Variants in SYNE2 observed in about 807,000 individuals in gnomAD.
SYNE2 encodes the protein nesprin-2.
Under a neutral mutation model 856.3 loss-of-function variants are expected in SYNE2, and 431 were observed. The ratio of observed to expected loss-of-function variants is 0.50; its 90% confidence interval spans 0.47 to 0.55. The LOEUF (loss-of-function observed/expected upper bound fraction) is 0.55, where lower values mean the gene tolerates loss of function less well. Among genes scored for constraint, SYNE2 ranks in the 20% least tolerant of loss-of-function variants. SYNE2 has a pLI of 0.00. For synonymous variants in SYNE2, 2,923 were observed against 2,872.3 expected, an observed-to-expected ratio of 1.02 and a Z score of -0.56; for missense variants, 8,129 against 8,023.2, an observed-to-expected ratio of 1.01 and a Z score of -0.50.
intron 16 of SYNE2, among the ~76,000 whole-genome samples, chr14:63,982,389 G>T (rs2096592207): frequency 1.3e-5 from 2 of 152,152 alleles, no homozygotes; most frequent in South Asian, 2.1e-4. Context: ...AACAGGGATG[G>T]CAGACTCCTC....
rs1046057331 is a variant in SYNE2, at chr14:64,141,454, A to G, written c.15090A>G (p.Leu5030=). The G allele has an allele frequency of 3.1e-6, 5 of 1,614,034 alleles. No individual in the cohort carries two copies. The highest frequency in any genetic ancestry group is 4.2e-6 in the Non-Finnish European group (5 of 1,179,998). The change falls in exon 81 of 116, where the codon TTA becomes TTG. Residue 5030 remains leucine, a synonymous_variant. Transcript: ENST00000555002. ...ATACAGCTACACTGAGAGCTTCTTT[A>G]GCACAGTTTGAACAAAAATGGACAA... ...ETDTATLRAS[L]AQFEQKWTML...
At chr14:63,938,316 C>T (rs944057815) in intron 2 of SYNE2, among the ~76,000 whole-genome samples, 1 of 152,038 alleles carries the variant, frequency 6.6e-6, no homozygotes, top group Non-Finnish European at 1.5e-5. Flanking sequence ...ATTAGCTGGA[C>T]ATGGCAGTAC....
At chr14:64,179,291 C>T (rs1198246152) in intron 96 of SYNE2, among the ~76,000 whole-genome samples, 1 of 152,116 alleles carries the variant, frequency 6.6e-6, no homozygotes, top group Non-Finnish European at 1.5e-5. Flanking sequence ...CATGTGCCAT[C>T]AGGCCTGGCT....
At chr14:63,890,922 G>A (rs1349012034) in intron 1 of SYNE2, among the ~76,000 whole-genome samples, 1 of 152,114 alleles carries the variant, frequency 6.6e-6, no homozygotes, top group African/African-American at 2.4e-5. Context: ...AGCATTTCCC[G>A]CTTATTCATC....
intron 1 of SYNE2, among the ~76,000 whole-genome samples, chr14:63,830,283 G>C (rs1032229166): frequency 1.3e-5 from 2 of 150,688 alleles, no homozygotes; most frequent in African/African-American, 2.4e-5. Flanking sequence ...TTTTTTGAGG[G>C]TAACAAAATA....
chr14:64,207,030 C>T (rs1158456912), intron 100 of SYNE2, among the ~76,000 whole-genome samples: 4 of 152,124 alleles, frequency 2.6e-5, no homozygotes, highest in African/African-American at 9.7e-5. Context: ...TCCCACCATT[C>T]GAGCATATCA....
At chr14:63,868,870 G>C (rs901278540) in intron 1 of SYNE2, among the ~76,000 whole-genome samples, 30 of 152,084 alleles carry the variant, frequency 2.0e-4, no homozygotes, top group Admixed American at 1.3e-4. Context: ...CTAATAAAGG[G>C]GACACCATTA....
chr14:63,860,439 A>G (rs1893236604), intron 1 of SYNE2, among the ~76,000 whole-genome samples: 1 of 152,216 alleles, frequency 6.6e-6, no homozygotes, highest in Admixed American at 6.5e-5. Context: ...GTGTGAAAGC[A>G]TCTCTTTCTT....
chr14:63,889,778 C>T (rs73268083), intron 1 of SYNE2, among the ~76,000 whole-genome samples: 10,124 of 151,978 alleles, frequency 0.067, 493 homozygotes, highest in African/African-American at 0.13. Context: ...GTGCCCGGCC[C>T]GTACTGCAGT....
chr14:63,845,351 G>A (rs1165566083), intron 1 of SYNE2, among the ~76,000 whole-genome samples: 1 of 151,836 alleles, frequency 6.6e-6, no homozygotes, highest in African/African-American at 2.4e-5. Flanking sequence ...AGGAGGCAGA[G>A]GTTGCAGTGA....
At chr14:63,866,141 A>C (rs1300032977) in intron 1 of SYNE2, among the ~76,000 whole-genome samples, 1 of 152,240 alleles carries the variant, frequency 6.6e-6, no homozygotes, top group African/African-American at 2.4e-5. Flanking sequence ...ACACCACTTA[A>C]GTTGTTTCCT....
chr14:64,000,715 A>G lies in SYNE2; in HGVS notation c.3634A>G (p.Thr1212Ala). 1 of 1,611,466 alleles carries G rather than the reference A, an allele frequency of 6.2e-7. No individual in the cohort carries two copies. Among genetic ancestry groups the G allele is most frequent in the African/African-American group, 1.3e-5 (1 of 75,004 alleles). ...RERELQMTLNTRMESLETALR... is the reference protein window; with the variant it reads ...RERELQMTLNARMESLETALR... ...AAGAGAGCTTCAGATGACTCTTAAT[A>G]CCAGGTAAAATTCTGAGATCTATTA... Residue 1212 changes from threonine to alanine, a missense_variant, in exon 28 of 116, where the codon ACC becomes GCC. Thr to Ala is a moderately conservative substitution (Grantham distance 58, BLOSUM62 0). This residue lies in a region of SYNE2 where 2,422 missense variants were observed against 2,357.4 expected (regional missense o/e 1.03). Coordinates refer to ENST00000555002, the MANE Select transcript of SYNE2 (RefSeq NM_182914.3).
At chr14:64,207,000 C>T (rs2098608450) in intron 100 of SYNE2, among the ~76,000 whole-genome samples, 1 of 152,158 alleles carries the variant, frequency 6.6e-6, no homozygotes, top group Non-Finnish European at 1.5e-5. Flanking sequence ...AGTTAGTCCT[C>T]AAATTGACTC....
chr14:64,212,360 T>C (rs746539755), intron 104 of SYNE2, among the ~76,000 whole-genome samples: 2 of 152,202 alleles, frequency 1.3e-5, no homozygotes, highest in Admixed American at 1.3e-4. Context: ...GACAGGCTAA[T>C]CTCACTGTAA....
chr14:64,053,154 C>T lies in SYNE2; in HGVS notation c.9241C>T (p.Arg3081Trp), dbSNP rs150085946. 104 of 1,614,058 alleles carry T rather than the reference C, an allele frequency of 6.4e-5. No individual in the cohort carries two copies. The African/African-American group carries it at 6.5e-4, about 10-fold the overall frequency. The change falls in exon 48 of 116, where the codon CGG becomes TGG. Residue 3081 changes from arginine to tryptophan, a missense_variant. Around this residue, in one of 3 missense-constraint regions of SYNE2, gnomAD observed 5,410 missense variants for 5,284.8 expected, o/e 1.02. Coordinates refer to ENST00000555002, the MANE Select transcript of SYNE2 (RefSeq NM_182914.3). ...TCCTGATAGCTCTCCGGAAAGCAGA[C>T]GGCTCAATGCCCAAATTTTAAGTCA... Reference protein sequence around the residue: ...KAPDSSPESRRLNAQILSQRI... With the variant: ...KAPDSSPESRWLNAQILSQRI...
chr14:64,057,731 C>T (rs1478048508), intron 49 of SYNE2, among the ~76,000 whole-genome samples: 1 of 152,172 alleles, frequency 6.6e-6, no homozygotes, highest in Non-Finnish European at 1.5e-5. Flanking sequence ...ATTTGCATTA[C>T]CACCAACAGC....
chr14:64,009,295 G>A (rs2096824747), intron 31 of SYNE2, among the ~76,000 whole-genome samples: 3 of 152,042 alleles, frequency 2.0e-5, no homozygotes, highest in Admixed American at 2.0e-4. Context: ...CAGCACTTTG[G>A]GAGGCCAAGG....
chr14:64,071,217 G>A (rs1372414693), intron 52 of SYNE2, among the ~76,000 whole-genome samples: 7 of 152,042 alleles, frequency 4.6e-5, no homozygotes, highest in African/African-American at 1.2e-4. Flanking sequence ...AATTCAGGCC[G>A]AGCGCGGTGG....
intron 22 of SYNE2, 147 bp downstream of exon 22, chr14:63,994,116 A>T: frequency 1.3e-6 from 1 of 781,228 alleles, no homozygotes; most frequent in African/African-American, 1.7e-5. Context: ...GGGTTCATAC[A>T]GAGTTTCATA....
Sources: gnomAD v4.1 joint callset for allele counts (sites outside exome capture counted in the v4.1 genomes callset) on GRCh38, gnomAD v4.1.1 for gene constraint, gnomAD v4.1.1 regional missense constraint, MANE v1.5 for transcripts, NCBI Gene and HGNC (gene_info 2026-07-23, HGNC 2026-07-21) for gene names.